The following POTEF variants were observed in gnomAD, a reference collection of about 807,000 sequenced individuals.
The protein encoded by POTEF is POTE ankyrin domain family member F.
A neutral mutation model predicts 83.2 loss-of-function variants in POTEF; 20 were observed. That is an observed-to-expected ratio of 0.24 (90% CI 0.17 to 0.35). POTEF has a LOEUF of 0.35. Ranked by LOEUF, POTEF falls within the 10% of genes least tolerant of loss-of-function variation. POTEF has a pLI of 1.00. For synonymous variants in POTEF, 196 were observed against 446.4 expected (o/e 0.44, Z 7.07); for missense variants, 550 against 1,203.2 (o/e 0.46, Z 8.03).
intron 2 of POTEF, among the ~76,000 whole-genome samples, chr2:130,123,642 TA>T (rs957760149): frequency 9.2e-5 from 14 of 151,778 alleles, no homozygotes; most frequent in African/African-American, 1.7e-4. Context: ...AAAAAAGGAA[TA>T]AAAAACATAT....
intron 2 of POTEF, among the ~76,000 whole-genome samples, chr2:130,126,560 C>A (rs2104713860): frequency 6.6e-6 from 1 of 152,168 alleles, no homozygotes; most frequent in Non-Finnish European, 1.5e-5. Context: ...TGAATTTTTG[C>A]ACGAGTGAAA....
At chr2:130,103,473 T>C (rs1684429866) in intron 8 of POTEF, among the ~76,000 whole-genome samples, 1 of 145,666 alleles carries the variant, frequency 6.9e-6, no homozygotes, top group Non-Finnish European at 1.5e-5. Flanking sequence ...GATAAACAGG[T>C]ACCTCCTTCC....
At position 130,128,385 on chromosome 2, in the gene POTEF, G is replaced by A. The variant is rs1685150228; in HGVS notation, c.-249-521C>T. ...GAGAAGAGTCACCCGAAGGAGCAAGGAGACCATGGCTGTTGCTGTCCCCAC... is the reference window on the plus strand; with the variant it reads ...GAGAAGAGTCACCCGAAGGAGCAAGAAGACCATGGCTGTTGCTGTCCCCAC... On this transcript the variant is annotated intron_variant, in intron 1 of 16. Coordinates refer to ENST00000409914, the MANE Select transcript of POTEF (RefSeq NM_001099771.2). Among the ~76,000 whole-genome samples the A allele has an allele frequency of 3.3e-5, 5 of 151,944 alleles. No individual in the cohort carries two copies. The South Asian group carries it at 6.2e-4, about 19-fold the overall frequency.
At position 130,120,644 on chromosome 2, in the gene POTEF, T is replaced by G. The variant is rs546350406; in HGVS notation, c.-93-36A>C. On this transcript the variant is annotated intron_variant, in intron 2 of 16. Transcript: ENST00000409914. ...AGAAAAGTCAATCCCAGCCAAAACC[T>G]GCCAACCCCAGCAGGGGATTCCAGC... The G allele has an allele frequency of 1.1e-4, 173 of 1,548,104 alleles. No individual in the cohort carries two copies. The East Asian group carries it at 3.7e-3, about 33-fold the overall frequency.
chr2:130,104,661 T>C (rs1357943825), intron 8 of POTEF, among the ~76,000 whole-genome samples: 1 of 151,586 alleles, frequency 6.6e-6, no homozygotes, highest in East Asian at 1.9e-4. Flanking sequence ...CGCTCCTTGC[T>C]CGCTCTTTTC....
chr2:130,126,667 C>G (rs1685099591), intron 2 of POTEF, among the ~76,000 whole-genome samples: 1 of 152,012 alleles, frequency 6.6e-6, no homozygotes, highest in Non-Finnish European at 1.5e-5. Context: ...TGGTTTAACA[C>G]AATCGTGAAA....
At chr2:130,126,212 A>G (rs1482619869) in intron 2 of POTEF, among the ~76,000 whole-genome samples, 1 of 133,960 alleles carries the variant, frequency 7.5e-6, no homozygotes, top group African/African-American at 2.8e-5. Flanking sequence ...CTGAGGCAGG[A>G]GACTTGCTTG....
chr2:130,126,303 CAAAAAAAAAAAA>C (rs754556482), intron 2 of POTEF, among the ~76,000 whole-genome samples: 109 of 122,540 alleles, frequency 8.9e-4, no homozygotes, highest in Non-Finnish European at 1.4e-3. Context: ...AACTCCATCT[CAAAAAAAAAAAA>C]AAAAAAAAAG....
chr2:130,114,667 T>C (rs978318709), intron 5 of POTEF, among the ~76,000 whole-genome samples: 5 of 151,496 alleles, frequency 3.3e-5, no homozygotes, highest in African/African-American at 1.2e-4. Context: ...AAAAAGTATT[T>C]ACCACAAGTG....
At chr2:130,116,132 T>G (rs1346411344) in intron 3 of POTEF, among the ~76,000 whole-genome samples, 1 of 151,970 alleles carries the variant, frequency 6.6e-6, no homozygotes, top group Non-Finnish European at 1.5e-5. Context: ...AAAAACAAAT[T>G]TCTAAAATAA....
intron 15 of POTEF, among the ~76,000 whole-genome samples, chr2:130,079,735 ATATG>A (rs1683901024): frequency 4.1e-5 from 1 of 24,282 alleles, no homozygotes; most frequent in Non-Finnish European, 7.0e-5. Context: ...TGTATCATAT[ATATG>A]TATGTGTGTA....
At chr2:130,085,068 A>AT (rs1384010934) in intron 15 of POTEF, among the ~76,000 whole-genome samples, 230 of 87,578 alleles carry the variant, frequency 2.6e-3, no homozygotes, top group Middle Eastern at 4.2e-3. Context: ...CTAGCTCCAA[A>AT]TTTTTTACAT....
intron 5 of POTEF, among the ~76,000 whole-genome samples, chr2:130,114,103 CT>C (rs1432350322): frequency 1.3e-5 from 2 of 151,634 alleles, no homozygotes; most frequent in East Asian, 3.9e-4. Context: ...GATATTCCCT[CT>C]GCTCAAGGGT....
intron 2 of POTEF, among the ~76,000 whole-genome samples, chr2:130,122,918 T>G (rs571753446): frequency 6.6e-6 from 1 of 150,788 alleles, no homozygotes; most frequent in South Asian, 2.1e-4. Context: ...CTGTAATGGG[T>G]TTTTTGTGGA....
chr2:130,117,935 CTTTTTTTTTT>C (rs776873346), intron 3 of POTEF, among the ~76,000 whole-genome samples: 1 of 45,052 alleles, frequency 2.2e-5, no homozygotes, highest in East Asian at 1.1e-3. Context: ...TATTTCATTC[CTTTTTTTTTT>C]CTTTTTTTTT....
chr2:130,091,503 ATGT>A (rs1464360365), intron 12 of POTEF, among the ~76,000 whole-genome samples: 1 of 152,260 alleles, frequency 6.6e-6, no homozygotes, highest in Non-Finnish European at 1.5e-5. Flanking sequence ...AGCCCTTTCG[ATGT>A]TGTGTTGTGA....
chr2:130,117,828 A>G (rs900599831), intron 3 of POTEF, among the ~76,000 whole-genome samples: 30 of 152,230 alleles, frequency 2.0e-4, no homozygotes, highest in Admixed American at 1.3e-3. Flanking sequence ...TCTTACCACT[A>G]AAGTGTTTGT....
chr2:130,107,624 A>C (rs1382509948), intron 8 of POTEF: 3 of 277,196 alleles, frequency 1.1e-5, no homozygotes, highest in Non-Finnish European at 6.8e-6. Context: ...CAGATCAGTG[A>C]TAGCATTAGA....
chr2:130,128,023 G>A (rs1685141504), intron 1 of POTEF, among the ~76,000 whole-genome samples, 159 bp from the exon 2 acceptor site: 1 of 135,786 alleles, frequency 7.4e-6, no homozygotes. Context: ...GCGGGTGTGA[G>A]TGCCTATGCT....
Sources: allele counts gnomAD v4.1 joint callset (sites outside exome capture counted in the v4.1 genomes callset), GRCh38; gene constraint gnomAD v4.1.1; transcripts MANE v1.5; gene names NCBI Gene and HGNC (gene_info 2026-07-23, HGNC 2026-07-21).